Variants in MYH15 observed in about 807,000 individuals in gnomAD.
MYH15 encodes the protein myosin-15.
A neutral mutation model predicts 240.5 loss-of-function variants in MYH15; 227 were observed. The observed-to-expected ratio is 0.94, with a 90% CI of 0.85 to 1.05. The LOEUF (loss-of-function observed/expected upper bound fraction) is 1.05, where lower values mean the gene tolerates loss of function less well. Among genes scored for constraint, MYH15 ranks in the 50% least tolerant of loss-of-function variants. MYH15 has a pLI of 0.00. For synonymous variants in MYH15, 785 were observed against 796.7 expected (o/e 0.99, Z 0.25); for missense variants, 2,217 against 2,247.5 (o/e 0.99, Z 0.27).
chr3:108,428,105 A>T (rs148685947), intron 27 of MYH15, among the ~76,000 whole-genome samples: 211 of 152,338 alleles, frequency 1.4e-3, no homozygotes, highest in African/African-American at 4.7e-3. Flanking sequence ...TGTGTACACC[A>T]TTCATTCAGA....
intron 1 of MYH15, among the ~76,000 whole-genome samples, chr3:108,507,117 G>A (rs1311543484): frequency 6.6e-6 from 1 of 151,776 alleles, no homozygotes; most frequent in African/African-American, 2.4e-5. Context: ...GAATGGGGAA[G>A]ATCACTTGAA....
chr3:108,420,045 G>A (rs1183771503), intron 28 of MYH15, among the ~76,000 whole-genome samples: 4 of 151,874 alleles, frequency 2.6e-5, no homozygotes, highest in Non-Finnish European at 4.4e-5. Flanking sequence ...ATAAATGACC[G>A]AGTATGCAAA....
intron 2 of MYH15, among the ~76,000 whole-genome samples, 182 bp from the exon 3 acceptor site, chr3:108,502,037 T>C (rs2083442808): frequency 6.6e-6 from 1 of 152,108 alleles, no homozygotes; most frequent in Non-Finnish European, 1.5e-5. Flanking sequence ...GAAAAAGCCC[T>C]CTCCTTCCCT....
chr3:108,461,143 T>G (rs1467283639), intron 16 of MYH15, among the ~76,000 whole-genome samples: 2 of 152,232 alleles, frequency 1.3e-5, no homozygotes, highest in African/African-American at 4.8e-5. Flanking sequence ...ATAGGCAAGC[T>G]GGACAGAATA....
chr3:108,494,476 C>CT (rs987365475), intron 7 of MYH15, among the ~76,000 whole-genome samples: 1 of 151,228 alleles, frequency 6.6e-6, no homozygotes, highest in African/African-American at 2.4e-5. Flanking sequence ...CAACTTTTCT[C>CT]TCCTTTCTGT....
intron 30 of MYH15, among the ~76,000 whole-genome samples, chr3:108,413,985 C>G (rs1479240227): frequency 1.3e-5 from 2 of 152,172 alleles, no homozygotes; most frequent in Non-Finnish European, 2.9e-5. Context: ...CTAGAAAGAG[C>G]CTCCTTTCTC....
intron 35 of MYH15, 101 bp from the exon 36 acceptor site, chr3:108,394,257 G>A (rs2082442761): frequency 6.8e-7 from 1 of 1,471,576 alleles, no homozygotes; most frequent in African/African-American, 1.4e-5. Context: ...CTGGCCAGAA[G>A]CAAATTTTAT....
At chr3:108,402,740 ACT>A (rs766742929) in intron 33 of MYH15, among the ~76,000 whole-genome samples, 2 of 152,112 alleles carry the variant, frequency 1.3e-5, no homozygotes, top group African/African-American at 2.4e-5. Flanking sequence ...CAGTGTGATG[ACT>A]CTCACATTTC....
intron 5 of MYH15, among the ~76,000 whole-genome samples, chr3:108,498,593 A>C (rs1299649655): frequency 1.3e-5 from 2 of 152,174 alleles, no homozygotes; most frequent in Non-Finnish European, 2.9e-5. Flanking sequence ...ACCTTTGACA[A>C]CCAGCTAACT....
chr3:108,523,657 T>C (rs1428697710), intron 1 of MYH15, among the ~76,000 whole-genome samples: 1 of 151,982 alleles, frequency 6.6e-6, no homozygotes, highest in African/African-American at 2.4e-5. Flanking sequence ...TCTACTCACA[T>C]TATCCTTCTT....
At chr3:108,479,399 C>G (rs1286135194) in intron 11 of MYH15, among the ~76,000 whole-genome samples, 2 of 152,124 alleles carry the variant, frequency 1.3e-5, no homozygotes, top group African/African-American at 2.4e-5. Flanking sequence ...ACAACAGGCT[C>G]CCTGAAGCAG....
chr3:108,477,734 G>A (rs373634749), intron 11 of MYH15, among the ~76,000 whole-genome samples: 2 of 152,050 alleles, frequency 1.3e-5, no homozygotes, highest in African/African-American at 4.8e-5. Flanking sequence ...TGTTTGCTCC[G>A]TAGTGCCCTC....
At chr3:108,522,160 T>G (rs9847314) in intron 1 of MYH15, among the ~76,000 whole-genome samples, 2,915 of 151,556 alleles carry the variant, frequency 0.019, 104 homozygotes, top group African/African-American at 0.067. Context: ...TGGGGAGCAA[T>G]AGGAGATGTA....
intron 21 of MYH15, 80 bp downstream of exon 21, chr3:108,453,926 T>C (rs1354004223): frequency 3.5e-6 from 5 of 1,431,492 alleles, no homozygotes; most frequent in Non-Finnish European, 4.8e-6. Context: ...CTTGACCTAC[T>C]ATAAGGCAAT....
intron 35 of MYH15, among the ~76,000 whole-genome samples, chr3:108,395,865 C>T (rs915004203): frequency 1.3e-5 from 2 of 152,084 alleles, no homozygotes; most frequent in African/African-American, 2.4e-5. Context: ...CAAGGTGCCG[C>T]AGCATGGTTT....
At chr3:108,542,901 G>A in the MYH15 span, among the ~76,000 whole-genome samples, 5 of 125,920 alleles carry the variant, frequency 4.0e-5, no homozygotes, top group African/African-American at 1.5e-4. Flanking sequence ...TTTTTTTTGA[G>A]ATGGAGTCTT....
chr3:108,460,637 T>C (rs1384510439), intron 16 of MYH15, among the ~76,000 whole-genome samples: 3 of 152,176 alleles, frequency 2.0e-5, no homozygotes, highest in Admixed American at 2.0e-4. Flanking sequence ...ATAAAATTCA[T>C]CAACAAATGC....
chr3:108,497,158 A>T (rs991429239), intron 6 of MYH15, among the ~76,000 whole-genome samples: 19 of 6,104 alleles, frequency 3.1e-3, no homozygotes, highest in African/African-American at 7.6e-3. Context: ...GAGACTCCGT[A>T]AAAAAAAAAA....
chr3:108,439,597 C>G (rs892378675), intron 24 of MYH15, 140 bp downstream of exon 24: 7 of 740,996 alleles, frequency 9.4e-6, no homozygotes, highest in South Asian at 3.2e-5. Context: ...GAAAAAGAAC[C>G]CTTTTATTCT....
Sources: allele counts gnomAD v4.1 joint callset (sites outside exome capture counted in the v4.1 genomes callset), GRCh38; gene constraint gnomAD v4.1.1; transcripts MANE v1.5; gene names NCBI Gene and HGNC (gene_info 2026-07-23, HGNC 2026-07-21).